Variants in IFT80 observed in about 807,000 individuals in gnomAD.
The protein encoded by IFT80 is intraflagellar transport protein 80 homolog.
Under a neutral mutation model 107.9 loss-of-function variants are expected in IFT80, and 79 were observed. The ratio of observed to expected loss-of-function variants is 0.73; its 90% CI spans 0.61 to 0.88. The LOEUF is 0.88. IFT80 is among the 40% of genes least tolerant of loss of function. The pLI is 0.00. For missense variants in IFT80, 797 were observed against 914.2 expected (o/e 0.87, Z 1.65); for synonymous variants, 299 against 300.9 (o/e 0.99, Z 0.07).
intron 5 of IFT80, among the ~76,000 whole-genome samples, chr3:160,368,773 A>T (rs1465561643): frequency 7.0e-6 from 1 of 142,500 alleles, no homozygotes; most frequent in Non-Finnish European, 1.5e-5. Flanking sequence ...TATAGTTATA[A>T]TTTTTGTACA....
At chr3:160,378,596 T>C (rs1274355293) in intron 3 of IFT80, among the ~76,000 whole-genome samples, 1 of 151,738 alleles carries the variant, frequency 6.6e-6, no homozygotes, top group African/African-American at 2.4e-5. Context: ...CTGGAACATC[T>C]TGTGCCAGCA....
Position 160,377,411 on chromosome 3 carries a change from A to G in IFT80, c.370+19T>C. On this transcript the variant is annotated intron_variant, in intron 4 of 19. Coordinates refer to ENST00000326448, the MANE Select transcript of IFT80 (RefSeq NM_020800.3). ...CTTTAAAATATTCATTTCAAATGTC[A>G]TTTTTACAGACAACTTACCTGTAAC... is the stretch of plus-strand genomic sequence containing the variant. 1 of 1,386,022 alleles carries G rather than the reference A, an allele frequency of 7.2e-7. No individual in the cohort carries two copies. The highest frequency in any genetic ancestry group is 1.7e-5 in the Admixed American group (1 of 59,456). The allele number at this position is 1,386,022 out of a possible 1,614,324, so 85.9% of individuals were successfully genotyped here.
chr3:160,266,369 CTCTT>C (rs1365153060), intron 19 of IFT80, among the ~76,000 whole-genome samples: 5 of 137,562 alleles, frequency 3.6e-5, no homozygotes, highest in African/African-American at 1.1e-4. Context: ...CCTTCCTTCT[CTCTT>C]TCTCTTTTTT....
chr3:160,270,616 A>G (rs896306477), intron 18 of IFT80, among the ~76,000 whole-genome samples: 2 of 152,196 alleles, frequency 1.3e-5, no homozygotes, highest in Non-Finnish European at 2.9e-5. Context: ...AAGAATGTAA[A>G]GTTACTAGAA....
chr3:160,285,706 TA>T (rs1715039217), intron 13 of IFT80, 97 bp downstream of exon 13: 2 of 854,732 alleles, frequency 2.3e-6, no homozygotes, highest in East Asian at 5.3e-5. Context: ...AATAAAAAAC[TA>T]ATTCCTTTGT....
chr3:160,280,598 A>T (rs1211777920), intron 15 of IFT80, 69 bp downstream of exon 15: 4 of 1,343,332 alleles, frequency 3.0e-6, no homozygotes, highest in Non-Finnish European at 4.2e-6. Context: ...TGAAAATAGA[A>T]GCCAAAACAT....
chr3:160,336,473 A>T lies in IFT80; in HGVS notation c.778-16534T>A, dbSNP rs371216803. 1.6e-4 allele frequency among the ~76,000 whole-genome samples: 24 copies of T among 152,276 alleles called. No individual in the cohort carries two copies. The East Asian group carries it at 2.7e-3, about 17-fold the overall frequency. On this transcript the variant is annotated intron_variant, in intron 8 of 19. Coordinates refer to ENST00000326448, the MANE Select transcript of IFT80 (RefSeq NM_020800.3). ...TGAATTTACAAGAAAAAATATACAA[A>T]ATATAGTCAAATAAGTCTAACTTCT...
chr3:160,268,720 C>T (rs1358264807), intron 18 of IFT80, 184 bp from the exon 19 acceptor site: 3 of 582,498 alleles, frequency 5.2e-6, no homozygotes, highest in Non-Finnish European at 9.2e-6. Context: ...CCAGATCAAA[C>T]ATGGCCTCTT....
In IFT80 at chr3:160,316,767, T is replaced by A. The variant is rs138935861; in HGVS notation, c.957+2993A>T. On this transcript the variant is annotated intron_variant, in intron 9 of 19. Coordinates refer to ENST00000326448, the MANE Select transcript of IFT80 (RefSeq NM_020800.3). Reference sequence around the variant, plus strand: ...GCATATGAAATCCAAGGCTGAGATTTCTCCTGGAATTACTAGGGAAAAAAA... The same window carrying A: ...GCATATGAAATCCAAGGCTGAGATTACTCCTGGAATTACTAGGGAAAAAAA... Among the ~76,000 whole-genome samples the A allele has an allele frequency of 1.8e-4, 28 of 152,212 alleles. No individual in the cohort carries two copies. In the East Asian group the frequency reaches 4.1e-3, roughly 22 times the overall value.
chr3:160,377,892 T>TCG, intron 3 of IFT80: 1 of 160,460 alleles, frequency 6.2e-6, no homozygotes, highest in Non-Finnish European at 1.4e-5. Context: ...ATACCACACC[T>TCG]ATGGATGAGA....
chr3:160,350,623 T>C (rs1407192533), intron 8 of IFT80, among the ~76,000 whole-genome samples: 2 of 152,116 alleles, frequency 1.3e-5, no homozygotes, highest in South Asian at 2.1e-4. Flanking sequence ...GAGACCATCC[T>C]GGCCAACATG....
intron 8 of IFT80, among the ~76,000 whole-genome samples, chr3:160,351,557 G>GTATATATATATACACATATATTATA (rs1720699535): frequency 7.1e-6 from 1 of 140,994 alleles, no homozygotes; most frequent in Non-Finnish European, 1.6e-5. Context: ...TATATTATAT[G>GTATATATATATACACATATATTATA]TATATATATA....
intron 5 of IFT80, among the ~76,000 whole-genome samples, chr3:160,370,493 C>T (rs965637966): frequency 2.0e-4 from 31 of 151,428 alleles, no homozygotes; most frequent in African/African-American, 7.5e-4. Context: ...GGGATTTATT[C>T]AAAAAATTCC....
intron 8 of IFT80, among the ~76,000 whole-genome samples, chr3:160,327,279 C>T (rs62272185): frequency 0.081 from 12,253 of 152,072 alleles, 669 homozygotes; most frequent in African/African-American, 0.14. Context: ...AAATGCTATT[C>T]CCATTAAACT....
rs576314300 is a variant in IFT80 at position 160,340,182 on chromosome 3, G to C, written c.777+15831C>G. Among the ~76,000 whole-genome samples the C allele has an allele frequency of 1.2e-4, 18 of 152,172 alleles. No homozygotes were observed. In the South Asian group the frequency reaches 3.5e-3, roughly 30 times the overall value. On this transcript the variant is annotated intron_variant, in intron 8 of 19. Transcript: ENST00000326448. Reference sequence around the variant, plus strand: ...TAAGAAATAATTTCTTAAATCAAAGGAATAAAGCTAGTGAGATAATTTTTT... The same window carrying C: ...TAAGAAATAATTTCTTAAATCAAAGCAATAAAGCTAGTGAGATAATTTTTT...
In IFT80 at chr3:160,268,280, T is replaced by C. The variant is rs1347870099; in HGVS notation, c.2223+133A>G. ...TAATTACAGTCAAAATAAGATGTCA[T>C]AAGGCAAAAAGTAATTCTTTTAGAG... is the stretch of plus-strand genomic sequence containing the variant. On this transcript the variant is annotated intron_variant, in intron 19 of 19. Transcript: ENST00000326448. 7.7e-6 allele frequency: 6 copies of C among 784,200 alleles called. No individual in the cohort carries two copies. In the African/African-American group the frequency reaches 1.1e-4, roughly 14 times the overall value. The allele number at this position is 784,200 out of a possible 1,614,324, so 48.6% of individuals were successfully genotyped here. A position where few individuals can be genotyped will look rare whatever the true frequency, so the allele number is the denominator to read the frequency against.
At chr3:160,268,611 G>C (rs929047014) in intron 18 of IFT80, 75 bp from the exon 19 acceptor site, 2 of 1,398,950 alleles carry the variant, frequency 1.4e-6, no homozygotes, top group African/African-American at 2.8e-5. Context: ...CTGGAGTTGG[G>C]GATAAGACAA....
chr3:160,340,608 G>A (rs1174528636), intron 8 of IFT80, among the ~76,000 whole-genome samples: 1 of 152,172 alleles, frequency 6.6e-6, no homozygotes, highest in East Asian at 1.9e-4. Flanking sequence ...GCATTCCTCG[G>A]CTTGTGGTCC....
chr3:160,357,647 A>G, intron 6 of IFT80, 69 bp from the exon 7 acceptor site: 1 of 1,002,018 alleles, frequency 1.0e-6, no homozygotes, highest in Non-Finnish European at 1.6e-6. Flanking sequence ...TGTAAGAAAT[A>G]TATTTTGCCT....
Sources: allele counts gnomAD v4.1 joint callset (sites outside exome capture counted in the v4.1 genomes callset), GRCh38; gene constraint gnomAD v4.1.1; transcripts MANE v1.5; gene names NCBI Gene and HGNC (gene_info 2026-07-23, HGNC 2026-07-21).